The following FAIM2 variants were observed in gnomAD, a reference collection of about 807,000 sequenced individuals.
FAIM2 encodes the protein Fas apoptotic inhibitory molecule 2.
FAIM2 carries 27 observed loss-of-function variants against 47.4 expected under a neutral mutation model. The observed-to-expected ratio is 0.57, with a 90% CI of 0.42 to 0.78. The LOEUF (loss-of-function observed/expected upper bound fraction) is 0.78, where lower values mean the gene tolerates loss of function less well. Among genes scored for constraint, FAIM2 ranks in the 30% least tolerant of loss-of-function variants. The probability of loss-of-function intolerance (pLI) is 0.00; values close to 1 mark genes in which losing one functional copy is unlikely to be tolerated. For missense variants in FAIM2, 311 were observed against 389.4 expected (o/e 0.80, Z 1.69); for synonymous variants, 156 against 159.3 (o/e 0.98, Z 0.16).
chr12:49,893,061 G>A (rs975119402), intron 5 of FAIM2, among the ~76,000 whole-genome samples: 2 of 152,134 alleles, frequency 1.3e-5, no homozygotes, highest in Non-Finnish European at 2.9e-5. Context: ...ACCACCCTTT[G>A]AGGTCAGGGC....
intron 10 of FAIM2, 42 bp downstream of exon 10, chr12:49,889,065 C>T (rs1162097094): frequency 2.7e-6 from 4 of 1,493,952 alleles, no homozygotes; most frequent in Non-Finnish European, 2.8e-6. Flanking sequence ...CAGTGGGGCC[C>T]CTCCCTCCCC....
At chr12:49,901,516 A>C in intron 1 of FAIM2, 191 bp from the exon 2 acceptor site, 1 of 499,664 alleles carries the variant, frequency 2.0e-6, no homozygotes, top group Non-Finnish European at 3.4e-6. Flanking sequence ...GGTCAGAGCT[A>C]GCTGGGGCAC....
chr12:49,889,856 T>C (rs2137098744), intron 8 of FAIM2, among the ~76,000 whole-genome samples: 1 of 152,044 alleles, frequency 6.6e-6, no homozygotes, highest in East Asian at 1.9e-4. Context: ...TAACTGCAGG[T>C]CATGAGTCTT....
chr12:49,900,255 A>G (rs1172944003), intron 2 of FAIM2: 5 of 1,273,538 alleles, frequency 3.9e-6, no homozygotes, highest in Non-Finnish European at 5.1e-6. Context: ...GCTACTCCCT[A>G]TGAGCAGAGG....
chr12:49,876,577 C>T (rs1946737984), intron 11 of FAIM2, among the ~76,000 whole-genome samples: 1 of 150,664 alleles, frequency 6.6e-6, no homozygotes, highest in African/African-American at 2.5e-5. Flanking sequence ...TCCTGGCTAA[C>T]ATGGGGAAAC....
chr12:49,880,392 ATGTGAG>A (rs1946806874), intron 11 of FAIM2, among the ~76,000 whole-genome samples: 1 of 148,854 alleles, frequency 6.7e-6, no homozygotes, highest in Admixed American at 6.6e-5. Flanking sequence ...CTATGTGTGC[ATGTGAG>A]TGTATGTATG....
chr12:49,875,453 A>G (rs978245834), intron 11 of FAIM2, among the ~76,000 whole-genome samples: 3 of 152,048 alleles, frequency 2.0e-5, no homozygotes, highest in African/African-American at 4.8e-5. Context: ...GTGAAGAGAG[A>G]CCACTGAGTG....
intron 10 of FAIM2, 104 bp downstream of exon 10, chr12:49,889,003 C>T (rs1275669978): frequency 4.7e-5 from 38 of 813,884 alleles, no homozygotes; most frequent in Non-Finnish European, 6.2e-5. Context: ...GGCTGTGGGG[C>T]CTTGGCTCCT....
rs568169886 is a variant in FAIM2, at chr12:49,897,884, G to T, written c.315+103C>A. 483 of 870,266 alleles carry T rather than the reference G, an allele frequency of 5.6e-4. 1 individual carries two copies. In the African/African-American group the frequency reaches 7.0e-3, roughly 13 times the overall value. 53.9% of individuals were successfully genotyped at this position (870,266 alleles called of 1,614,324 possible). ...GCTGTCAGCTGGGATCACAAGAGAA[G>T]GGGGCAGGGATGGCTTCTGCAGGCA... On this transcript the variant is annotated intron_variant, in intron 3 of 11. Transcript: ENST00000320634.
chr12:49,898,184 A>C (rs1946953706), intron 2 of FAIM2, 94 bp from the exon 3 acceptor site: 3 of 913,936 alleles, frequency 3.3e-6, no homozygotes, highest in African/African-American at 1.6e-5. Context: ...CTTTTTGTCA[A>C]CCTGGCTCTC....
Position 49,901,044 on chromosome 12 carries a change from C to T in FAIM2, c.211+86G>A. 3 of 1,086,188 alleles carry T rather than the reference C, an allele frequency of 2.8e-6. No individual in the cohort carries two copies. The South Asian group carries it at 5.1e-5, about 18-fold the overall frequency. The allele number at this position is 1,086,188 out of a possible 1,614,324, so 67.3% of individuals were successfully genotyped here. ...ATACAACCACACAGTGTACCTCTTT[C>T]TGGACAACTTCCTCCTACTCAGGTT... On this transcript the variant is annotated intron_variant, in intron 2 of 11. Transcript: ENST00000320634.
intron 11 of FAIM2, among the ~76,000 whole-genome samples, chr12:49,886,811 T>G (rs1330622674): frequency 1.3e-5 from 2 of 152,152 alleles, no homozygotes; most frequent in Non-Finnish European, 2.9e-5. Context: ...GAACCTATCT[T>G]ATAGACTTAA....
chr12:49,898,515 T>C (rs1368747117), intron 2 of FAIM2, among the ~76,000 whole-genome samples: 1 of 152,046 alleles, frequency 6.6e-6, no homozygotes, highest in Non-Finnish European at 1.5e-5. Context: ...TGCTCATTCT[T>C]TTTGTTTTTG....
chr12:49,880,562 A>G (rs1197085955), intron 11 of FAIM2, among the ~76,000 whole-genome samples: 2 of 10,344 alleles, frequency 1.9e-4, no homozygotes, highest in African/African-American at 1.9e-3. Flanking sequence ...GTGTGTGTGC[A>G]TGTGTGTATC....
Position 49,887,381 on chromosome 12 carries a change from C to G in FAIM2, c.801+5G>C. The stretch of plus-strand genomic sequence containing the variant: ...GAGGCTGCCAAGGAGCTAGACCACA[C>G]TCACCAATGTAAATACACCCGCTCC... On this transcript the variant is annotated splice_donor_5th_base_variant and intron_variant, in intron 11 of 11. Transcript: ENST00000320634. 6.2e-7 allele frequency: 1 copy of G among 1,609,678 alleles called. No homozygotes were observed. Among genetic ancestry groups the G allele is most frequent in the Non-Finnish European group, 8.5e-7 (1 of 1,177,702 alleles).
At chr12:49,900,846 C>T (rs1946976730) in intron 2 of FAIM2, among the ~76,000 whole-genome samples, 1 of 152,136 alleles carries the variant, frequency 6.6e-6, no homozygotes, top group Admixed American at 6.5e-5. Flanking sequence ...AGCTTTTCTC[C>T]CTCATCTGTC....
chr12:49,898,203 G>A, intron 2 of FAIM2, 113 bp from the exon 3 acceptor site: 1 of 437,282 alleles, frequency 2.3e-6, no homozygotes, highest in Non-Finnish European at 4.1e-6. Flanking sequence ...TCTGGACCCT[G>A]AAGTCTTTCT....
At chr12:49,875,133 G>A (rs1434107253) in intron 11 of FAIM2, among the ~76,000 whole-genome samples, 3 of 152,138 alleles carry the variant, frequency 2.0e-5, no homozygotes, top group African/African-American at 7.2e-5. Flanking sequence ...TGAAATATGT[G>A]AATAAATGTA....
At chr12:49,894,758 A>G (rs572567877) in intron 5 of FAIM2, among the ~76,000 whole-genome samples, 1 of 152,200 alleles carries the variant, frequency 6.6e-6, no homozygotes, top group African/African-American at 2.4e-5. Context: ...CTGGATTTCT[A>G]CCCTGGTTAT....
Sources: allele counts gnomAD v4.1 joint callset (sites outside exome capture counted in the v4.1 genomes callset), GRCh38; gene constraint gnomAD v4.1.1; transcripts MANE v1.5; gene names NCBI Gene and HGNC (gene_info 2026-07-23, HGNC 2026-07-21).